NBAS: variants seen among roughly 807,000 people sequenced by gnomAD.
The protein encoded by NBAS is NAG/BC035112 fusion.
In NBAS, 219 loss-of-function variants were observed where a neutral mutation model predicts 302.5. The ratio of observed to expected loss-of-function variants is 0.72; its 90% CI spans 0.65 to 0.81. The LOEUF (loss-of-function observed/expected upper bound fraction) is 0.81. NBAS is among the 30% of genes least tolerant of loss of function. The pLI, the probability that NBAS is intolerant of heterozygous loss-of-function variation, is 0.00. For synonymous variants in NBAS, 1,118 were observed against 1,021.6 expected (o/e 1.09, Z -1.80); for missense variants, 2,932 against 2,841.6 (o/e 1.03, Z -0.72).
the NBAS span, among the ~76,000 whole-genome samples, chr2:14,894,527 A>G: frequency 6.6e-6 from 1 of 151,966 alleles, no homozygotes; most frequent in Non-Finnish European, 1.5e-5. Context: ...ATCATTAACT[A>G]ACAGAAATGT....
the NBAS span, among the ~76,000 whole-genome samples, chr2:14,911,832 C>T: frequency 1.2e-4 from 19 of 152,170 alleles, no homozygotes; most frequent in Admixed American, 1.3e-4. Flanking sequence ...ACCTCAGTTT[C>T]CCCACCTGTA....
chr2:15,435,276 C>T (rs546462314), intron 21 of NBAS, among the ~76,000 whole-genome samples: 122 of 152,276 alleles, frequency 8.0e-4, no homozygotes, highest in African/African-American at 2.8e-3. Context: ...CCTATGCAGA[C>T]CCCAAGCCAA....
chr2:15,018,897 T>A, the NBAS span, among the ~76,000 whole-genome samples: 1 of 152,204 alleles, frequency 6.6e-6, no homozygotes, highest in Non-Finnish European at 1.5e-5. Flanking sequence ...TGACCTTTAA[T>A]CATTTTATGG....
chr2:15,487,133 A>G (rs560306921), intron 12 of NBAS, among the ~76,000 whole-genome samples: 2 of 152,352 alleles, frequency 1.3e-5, no homozygotes, highest in East Asian at 1.9e-4. Context: ...TTTATTATTC[A>G]AAGTTTTCAC....
intron 9 of NBAS, among the ~76,000 whole-genome samples, chr2:15,528,875 A>AT (rs1361832974): frequency 3.2e-5 from 4 of 125,118 alleles, no homozygotes; most frequent in East Asian, 4.6e-4. Context: ...TCAAAAAAAA[A>AT]AAAATATATA....
At chr2:15,135,773 G>A in the NBAS span, among the ~76,000 whole-genome samples, 1 of 151,702 alleles carries the variant, frequency 6.6e-6, no homozygotes, top group Admixed American at 6.6e-5. Flanking sequence ...TAGAGCAGGG[G>A]TGTCCAATCT....
At chr2:15,555,968 C>T (rs1664625947) in intron 3 of NBAS, among the ~76,000 whole-genome samples, 1 of 152,128 alleles carries the variant, frequency 6.6e-6, no homozygotes, top group African/African-American at 2.4e-5. Context: ...ACCTCCCACA[C>T]TCCTATCCTC....
At chr2:15,097,957 T>C in the NBAS span, among the ~76,000 whole-genome samples, 4 of 58,876 alleles carry the variant, frequency 6.8e-5, no homozygotes, top group East Asian at 9.2e-4. Flanking sequence ...TTGTATATAA[T>C]ATATATATTA....
chr2:15,153,044 C>T, the NBAS span, among the ~76,000 whole-genome samples: 7 of 152,174 alleles, frequency 4.6e-5, no homozygotes, highest in Non-Finnish European at 7.3e-5. Flanking sequence ...AGGTTGTCCA[C>T]CAAGATGCTG....
intron 48 of NBAS, among the ~76,000 whole-genome samples, chr2:15,195,978 G>C (rs1373819558): frequency 6.6e-6 from 1 of 152,212 alleles, no homozygotes; most frequent in African/African-American, 2.4e-5. Flanking sequence ...CAAAACCCCA[G>C]AAGCATGCCA....
At chr2:14,962,762 C>G in the NBAS span, among the ~76,000 whole-genome samples, 1 of 152,054 alleles carries the variant, frequency 6.6e-6, no homozygotes, top group Non-Finnish European at 1.5e-5. Context: ...AGCAGACTTA[C>G]CCCTACTTTT....
chr2:14,946,630 T>C, the NBAS span, among the ~76,000 whole-genome samples: 1 of 152,134 alleles, frequency 6.6e-6, no homozygotes, highest in Admixed American at 6.5e-5. Flanking sequence ...AATGGACACA[T>C]CATCCAGACA....
intron 48 of NBAS, among the ~76,000 whole-genome samples, chr2:15,191,755 G>C (rs1336597001): frequency 6.6e-6 from 1 of 152,170 alleles, no homozygotes; most frequent in Non-Finnish European, 1.5e-5. Flanking sequence ...GTTGGACCTT[G>C]AGTTGGGAGT....
chr2:15,162,259 T>C (rs1314404927), downstream of NBAS, among the ~76,000 whole-genome samples: 3 of 152,192 alleles, frequency 2.0e-5, no homozygotes, highest in African/African-American at 4.8e-5. Flanking sequence ...GATTGACCCA[T>C]GGCCGAGTAG....
At chr2:15,547,881 A>G (rs1015380870) in intron 6 of NBAS, among the ~76,000 whole-genome samples, 1 of 152,238 alleles carries the variant, frequency 6.6e-6, no homozygotes, top group Non-Finnish European at 1.5e-5. Context: ...TAGAGCCCCA[A>G]GCTTTAGATA....
At chr2:15,357,431 G>C (rs1412823399) in intron 32 of NBAS, among the ~76,000 whole-genome samples, 1 of 152,136 alleles carries the variant, frequency 6.6e-6, no homozygotes, top group East Asian at 1.9e-4. Context: ...ATTTTAATGA[G>C]CATAAGTTTA....
At chr2:15,118,255 C>T in the NBAS span, among the ~76,000 whole-genome samples, 2 of 152,140 alleles carry the variant, frequency 1.3e-5, no homozygotes, top group Non-Finnish European at 2.9e-5. Flanking sequence ...TCAGGGATTT[C>T]AGGGGCAGCT....
At chr2:14,876,429 C>T in the NBAS span, among the ~76,000 whole-genome samples, 1 of 152,198 alleles carries the variant, frequency 6.6e-6, no homozygotes, top group Non-Finnish European at 1.5e-5. Context: ...AGGACCTCCA[C>T]TATCAACTTC....
At chr2:15,242,490 A>G (rs1667908105) in intron 44 of NBAS, among the ~76,000 whole-genome samples, 1 of 152,138 alleles carries the variant, frequency 6.6e-6, no homozygotes, top group Non-Finnish European at 1.5e-5. Flanking sequence ...CTTTGTAAAA[A>G]CAGGTTCATT....
Sources: allele counts gnomAD v4.1 joint callset (sites outside exome capture counted in the v4.1 genomes callset), GRCh38; gene constraint gnomAD v4.1.1; transcripts MANE v1.5; gene names NCBI Gene and HGNC (gene_info 2026-07-23, HGNC 2026-07-21).